RNF38: variants seen among roughly 807,000 people sequenced by gnomAD.
RNF38 encodes E3 ubiquitin-protein ligase RNF38.
In RNF38, 15 loss-of-function variants were observed where a neutral mutation model predicts 67.2. The ratio of observed to expected loss-of-function variants is 0.22; its 90% CI spans 0.15 to 0.34. The LOEUF (loss-of-function observed/expected upper bound fraction) is 0.34. RNF38 is among the 10% of genes least tolerant of loss of function. RNF38 has a pLI of 1.00. For missense variants in RNF38, 524 were observed against 639.9 expected, an observed-to-expected ratio of 0.82 and a Z score of 1.95; for synonymous variants, 220 against 218.8, an observed-to-expected ratio of 1.01 and a Z score of -0.05.
chr9:36,481,016 C>CTT (rs1160092271), intron 1 of RNF38, among the ~76,000 whole-genome samples: 84 of 136,184 alleles, frequency 6.2e-4, no homozygotes, highest in African/African-American at 2.0e-3. Context: ...TCTTCTCTTT[C>CTT]TTTTTTTTTT....
At chr9:36,392,990 G>A (rs1837226459) in intron 1 of RNF38, among the ~76,000 whole-genome samples, 1 of 152,104 alleles carries the variant, frequency 6.6e-6, no homozygotes, top group African/African-American at 2.4e-5. Flanking sequence ...CTCAATCTAA[G>A]GAGGGCTTTT....
At chr9:36,483,089 C>A (rs754218540) in intron 1 of RNF38, among the ~76,000 whole-genome samples, 1 of 152,046 alleles carries the variant, frequency 6.6e-6, no homozygotes, top group Non-Finnish European at 1.5e-5. Context: ...ACAGCAGCAC[C>A]GTTAAGAAGT....
At chr9:36,463,651 A>C (rs1839789471) in intron 1 of RNF38, among the ~76,000 whole-genome samples, 1 of 152,244 alleles carries the variant, frequency 6.6e-6, no homozygotes, top group Non-Finnish European at 1.5e-5. Context: ...GATGAATCAC[A>C]CAAATACAAA....
chr9:36,439,790 C>CAAA (rs1156589143), intron 1 of RNF38, among the ~76,000 whole-genome samples: 13 of 76,294 alleles, frequency 1.7e-4, no homozygotes, highest in Admixed American at 3.0e-4. Flanking sequence ...GACTCTGTCT[C>CAAA]AAAAAAAAAA....
chr9:36,453,215 A>T (rs1469552814), intron 1 of RNF38, among the ~76,000 whole-genome samples: 2 of 151,840 alleles, frequency 1.3e-5, no homozygotes, highest in African/African-American at 4.8e-5. Context: ...TGGAAATATT[A>T]TTATTATTAT....
At chr9:36,415,553 G>T (rs1838442298) in intron 2 of RNF38, among the ~76,000 whole-genome samples, 2 of 152,138 alleles carry the variant, frequency 1.3e-5, no homozygotes, top group Admixed American at 1.3e-4. Context: ...TAGGGATGAG[G>T]TTCCTGAGAG....
At chr9:36,383,844 C>G (rs2133942273) in intron 2 of RNF38, among the ~76,000 whole-genome samples, 1 of 150,822 alleles carries the variant, frequency 6.6e-6, no homozygotes, top group South Asian at 2.1e-4. Flanking sequence ...AAGAAAATAA[C>G]AGTTTGATAT....
intron 11 of RNF38, among the ~76,000 whole-genome samples, chr9:36,340,213 G>A (rs976431244): frequency 6.6e-6 from 1 of 151,674 alleles, no homozygotes; most frequent in Non-Finnish European, 1.5e-5. Flanking sequence ...TCCTGACCTC[G>A]GGTGATCCAC....
intron 1 of RNF38, among the ~76,000 whole-genome samples, chr9:36,478,403 C>CAAA (rs566516265): frequency 6.1e-4 from 44 of 71,686 alleles, no homozygotes; most frequent in South Asian, 1.0e-3. Flanking sequence ...GACTCCGTCT[C>CAAA]AAAAAAAAAA....
intron 9 of RNF38, among the ~76,000 whole-genome samples, chr9:36,347,536 G>T (rs1260308560): frequency 1.3e-5 from 2 of 152,096 alleles, no homozygotes; most frequent in African/African-American, 4.8e-5. Flanking sequence ...GATCTTTGAC[G>T]TTACTATTGC....
chr9:36,367,715 T>C (rs751557578), intron 4 of RNF38, among the ~76,000 whole-genome samples: 1 of 152,224 alleles, frequency 6.6e-6, no homozygotes, highest in Non-Finnish European at 1.5e-5. Context: ...ACAGCTTTCT[T>C]TTGTTGTATT....
At chr9:36,422,112 G>C (rs1297698503) in intron 2 of RNF38, among the ~76,000 whole-genome samples, 1 of 151,972 alleles carries the variant, frequency 6.6e-6, no homozygotes, top group African/African-American at 2.4e-5. Flanking sequence ...AACACCTGCA[G>C]TCCCAGCTAC....
intron 2 of RNF38, among the ~76,000 whole-genome samples, chr9:36,407,042 C>A (rs1365631632): frequency 6.6e-6 from 1 of 152,178 alleles, no homozygotes; most frequent in Non-Finnish European, 1.5e-5. Context: ...TAAAGCTGCA[C>A]TGAGGGAAAA....
At chr9:36,358,235 C>A (rs1834271427) in intron 4 of RNF38, among the ~76,000 whole-genome samples, 1 of 152,096 alleles carries the variant, frequency 6.6e-6, no homozygotes, top group Non-Finnish European at 1.5e-5. Flanking sequence ...CCTATAAAGG[C>A]AGAATAAAAA....
At chr9:36,461,792 T>C (rs972673885) in intron 1 of RNF38, among the ~76,000 whole-genome samples, 6 of 146,744 alleles carry the variant, frequency 4.1e-5, no homozygotes, top group Non-Finnish European at 8.8e-5. Context: ...GCATTTCCGA[T>C]GGAAAAAACT....
upstream of RNF38, among the ~76,000 whole-genome samples, chr9:36,402,996 C>T (rs1838092522): frequency 6.6e-6 from 1 of 152,046 alleles, no homozygotes; most frequent in South Asian, 2.1e-4. Context: ...AGGCAGGTCT[C>T]ACTATGTTGC....
chr9:36,362,329 G>A (rs1306023110), intron 4 of RNF38, among the ~76,000 whole-genome samples: 1 of 151,882 alleles, frequency 6.6e-6, no homozygotes, highest in Non-Finnish European at 1.5e-5. Context: ...TTGCACTCCA[G>A]CCTAGGCAAC....
chr9:36,485,304 G>GTATATATATATATATA (rs1156313770), intron 1 of RNF38, among the ~76,000 whole-genome samples: 1 of 150,276 alleles, frequency 6.7e-6, no homozygotes, highest in African/African-American at 2.5e-5. Context: ...ATCTCTTAGG[G>GTATATATATATATATA]TATATATACA....
chr9:36,354,187 C>T (rs571944781), intron 6 of RNF38, among the ~76,000 whole-genome samples: 123 of 152,164 alleles, frequency 8.1e-4, no homozygotes, highest in African/African-American at 2.9e-3. Context: ...ATCAGCTTTC[C>T]ATTATTTATT....
Sources: gnomAD v4.1 joint callset for allele counts (sites outside exome capture counted in the v4.1 genomes callset) on GRCh38, gnomAD v4.1.1 for gene constraint, MANE v1.5 for transcripts, NCBI Gene and HGNC (gene_info 2026-07-23, HGNC 2026-07-21) for gene names.